Variants in ARHGAP5 observed in about 807,000 individuals in gnomAD.
ARHGAP5 encodes the protein Rho GTPase activating protein 5, also known as rho GTPase-activating protein 5.
A neutral mutation model predicts 116.6 loss-of-function variants in ARHGAP5; 23 were observed. The observed-to-expected ratio is 0.20, with a 90% CI of 0.14 to 0.28. The LOEUF (loss-of-function observed/expected upper bound fraction) is 0.28, where lower values mean the gene tolerates loss of function less well. Ranked by LOEUF, ARHGAP5 falls within the 10% of genes least tolerant of loss-of-function variation. ARHGAP5 has a pLI of 1.00. For missense variants in ARHGAP5, 1,405 were observed against 1,774.8 expected, an observed-to-expected ratio of 0.79 and a Z score of 3.74; for synonymous variants, 574 against 602.0, an observed-to-expected ratio of 0.95 and a Z score of 0.68.
chr14:32,091,080 G>A lies in ARHGAP5; in HGVS notation c.411G>A (p.Gln137=). ...AEKLMYICTD[Q]LGLEQDFEQK... ...AACTAATGTACATTTGCACTGATCA[G>A]CTAGGCTTAGAACAAGACTTTGAAC... is the stretch of plus-strand genomic sequence containing the variant. Residue 137 remains glutamine (Q), a synonymous_variant, in exon 2 of 7, where the codon CAG becomes CAA. Coordinates refer to ENST00000345122, the MANE Select transcript of ARHGAP5 (RefSeq NM_001030055.2). The A allele has an allele frequency of 6.2e-7, 1 of 1,613,618 alleles. No individual in the cohort carries two copies.
intron 2 of ARHGAP5, among the ~76,000 whole-genome samples, chr14:32,116,879 A>T: frequency 6.6e-6 from 1 of 152,116 alleles, no homozygotes. Flanking sequence ...GATATTTTCT[A>T]TTCTCTCCTG....
intron 5 of ARHGAP5, 26 bp downstream of exon 5, chr14:32,150,059 G>T: frequency 6.5e-7 from 1 of 1,533,200 alleles, no homozygotes; most frequent in South Asian, 1.3e-5. Context: ...CTTTTTATGA[G>T]AGGGATGATA....
chr14:32,133,292 G>T (rs1880604923), intron 3 of ARHGAP5, among the ~76,000 whole-genome samples: 1 of 152,108 alleles, frequency 6.6e-6, no homozygotes, highest in Non-Finnish European at 1.5e-5. Context: ...TCCTTGAAGA[G>T]GTCCTTCACA....
At chr14:32,082,760 G>C (rs1484296955) in intron 1 of ARHGAP5, among the ~76,000 whole-genome samples, 1 of 152,114 alleles carries the variant, frequency 6.6e-6, no homozygotes, top group Non-Finnish European at 1.5e-5. Flanking sequence ...GGCTGGTCTC[G>C]ACCTCCTGAC....
chr14:32,105,239 C>T (rs1334826884), intron 2 of ARHGAP5, among the ~76,000 whole-genome samples: 1 of 152,058 alleles, frequency 6.6e-6, no homozygotes, highest in Non-Finnish European at 1.5e-5. Context: ...CCAGCCTCAC[C>T]GTGATTGGGT....
At chr14:32,082,748 C>G (rs186830948) in intron 1 of ARHGAP5, among the ~76,000 whole-genome samples, 298 of 152,320 alleles carry the variant, frequency 2.0e-3, no homozygotes, top group Non-Finnish European at 3.4e-3. Flanking sequence ...CCATGTTGGT[C>G]GGGCTGGTCT....
intron 1 of ARHGAP5, among the ~76,000 whole-genome samples, chr14:32,085,857 AG>A (rs772462111): frequency 8.6e-4 from 131 of 152,310 alleles, no homozygotes; most frequent in Admixed American, 3.1e-3. Flanking sequence ...AATTTTTTTA[AG>A]ATGTCATAAA....
At chr14:32,086,980 C>G (rs1051357435) in intron 1 of ARHGAP5, among the ~76,000 whole-genome samples, 1 of 152,040 alleles carries the variant, frequency 6.6e-6, no homozygotes, top group Non-Finnish European at 1.5e-5. Flanking sequence ...GTTATTGCTA[C>G]TTTTGTCTTG....
intron 3 of ARHGAP5, among the ~76,000 whole-genome samples, chr14:32,131,632 G>C (rs946227699): frequency 6.6e-6 from 1 of 152,002 alleles, no homozygotes; most frequent in African/African-American, 2.4e-5. Context: ...TGTGCACAAC[G>C]TGCAGGTTTG....
rs1296657879 is a variant in ARHGAP5, at chr14:32,090,532, T to C, written c.-138T>C. 1.4e-6 allele frequency: 1 copy of C among 733,680 alleles called. No individual in the cohort carries two copies. Among genetic ancestry groups the C allele is most frequent in the Non-Finnish European group, 2.2e-6 (1 of 456,412 alleles). The allele number at this position is 733,680 out of a possible 1,614,324, so 45.4% of individuals were successfully genotyped here. ...TGATCCCTATGATCTTGAAGATGTT[T>C]CTGCACAGAAATGAGGGAAATACAA... On this transcript the variant is annotated 5_prime_UTR_variant, in exon 2 of 7. Transcript: ENST00000345122.
Position 32,083,834 on chromosome 14 carries a change from A to T in ARHGAP5, c.-169+6399A>T, listed in dbSNP as rs567688849. 6.6e-5 allele frequency among the ~76,000 whole-genome samples: 10 copies of T among 152,286 alleles called. 1 individual carries two copies. The South Asian group carries it at 1.9e-3, about 28-fold the overall frequency. On this transcript the variant is annotated intron_variant, in intron 1 of 6. Coordinates refer to ENST00000345122, the MANE Select transcript of ARHGAP5 (RefSeq NM_001030055.2). ...CCCACTTCTTGGTTCTCCAAGGTGG[A>T]GAGAAAAGGACTCAGACACTGGAAG...
chr14:32,131,624 T>A (rs1387536544), intron 3 of ARHGAP5, among the ~76,000 whole-genome samples: 2 of 152,240 alleles, frequency 1.3e-5, no homozygotes, highest in African/African-American at 4.8e-5. Context: ...AGGGTACATG[T>A]GCACAACGTG....
At chr14:32,115,936 A>C (rs1389206614) in intron 2 of ARHGAP5, among the ~76,000 whole-genome samples, 1 of 151,174 alleles carries the variant, frequency 6.6e-6, no homozygotes, top group Non-Finnish European at 1.5e-5. Context: ...CGGAGGTTGC[A>C]GTGAGCTGAG....
intron 1 of ARHGAP5, among the ~76,000 whole-genome samples, chr14:32,088,298 G>A (rs556053378): frequency 1.6e-4 from 24 of 151,712 alleles, no homozygotes; most frequent in East Asian, 3.9e-4. Context: ...AAAATTCCCC[G>A]AAGTAATCAC....
At chr14:32,090,245 C>T (rs570634288) in intron 1 of ARHGAP5, among the ~76,000 whole-genome samples, 8 of 151,928 alleles carry the variant, frequency 5.3e-5, no homozygotes, top group African/African-American at 1.9e-4. Context: ...AGGTAAAATG[C>T]ACATTTGGTT....
Position 32,146,195 on chromosome 14 carries a change from G to C in ARHGAP5, c.3866-68G>C, listed in dbSNP as rs1033608528. 7 of 1,175,260 alleles carry C rather than the reference G, an allele frequency of 6.0e-6. No homozygotes were observed. The African/African-American group carries it at 7.6e-5, about 13-fold the overall frequency. 72.8% of individuals were successfully genotyped at this position (1,175,260 alleles called of 1,614,324 possible). On this transcript the variant is annotated intron_variant, in intron 3 of 6. Transcript: ENST00000345122. ...CAGAGTGCTGGGATTACAAACATGA[G>C]CCACTGTGCCCAGCCGTGTGGATAT...
chr14:32,085,535 A>C (rs1316146908), intron 1 of ARHGAP5, among the ~76,000 whole-genome samples: 1 of 152,238 alleles, frequency 6.6e-6, no homozygotes, highest in Non-Finnish European at 1.5e-5. Flanking sequence ...GCTGCTGAAC[A>C]AATTATTCAT....
intron 6 of ARHGAP5, among the ~76,000 whole-genome samples, chr14:32,153,364 G>A (rs1326336077): frequency 1.9e-5 from 2 of 103,828 alleles, no homozygotes; most frequent in African/African-American, 7.4e-5. Flanking sequence ...CTGAGATCAT[G>A]CCATTGCACT....
rs1881876484 is a variant in ARHGAP5, at chr14:32,155,971, A to C, written c.*1023A>C. 1 of 152,546 alleles carries C rather than the reference A, an allele frequency of 6.6e-6. No individual in the cohort carries two copies. The highest frequency in any genetic ancestry group is 2.1e-4 in the South Asian group (1 of 4,830). 9.4% of individuals were successfully genotyped at this position (152,546 alleles called of 1,614,324 possible). On this transcript the variant is annotated 3_prime_UTR_variant, in exon 7 of 7. Coordinates refer to ENST00000345122, the MANE Select transcript of ARHGAP5 (RefSeq NM_001030055.2). ...TATGTGGCCCTTAAAAAATATCCAA[A>C]AAACCCATTGCTAATATAGCAATAA...
Sources: gnomAD v4.1 joint callset for allele counts (sites outside exome capture counted in the v4.1 genomes callset) on GRCh38, gnomAD v4.1.1 for gene constraint, MANE v1.5 for transcripts, NCBI Gene and HGNC (gene_info 2026-07-23, HGNC 2026-07-21) for gene names.